The following PPP2R3C variants were observed in gnomAD, a reference collection of about 807,000 sequenced individuals.
The protein encoded by PPP2R3C is serine/threonine-protein phosphatase 2A regulatory subunit B'' subunit gamma.
PPP2R3C carries 47 observed loss-of-function variants against 63.7 expected under a neutral mutation model. The observed-to-expected ratio is 0.74, with a 90% CI of 0.58 to 0.94. The LOEUF (loss-of-function observed/expected upper bound fraction) is 0.94, where lower values mean the gene tolerates loss of function less well. Among genes scored for constraint, PPP2R3C ranks in the 40% least tolerant of loss-of-function variants. The pLI is 0.00. For missense variants in PPP2R3C, 421 were observed against 518.4 expected (o/e 0.81, Z 1.82); for synonymous variants, 180 against 177.4 (o/e 1.01, Z -0.12).
intron 11 of PPP2R3C, among the ~76,000 whole-genome samples, chr14:35,089,628 A>C (rs144659649): frequency 2.0e-4 from 31 of 152,128 alleles, no homozygotes; most frequent in African/African-American, 7.5e-4. Flanking sequence ...TGCTAGGATT[A>C]CAGGTGTGAG....
chr14:35,121,667 G>C (rs1023210612), intron 1 of PPP2R3C, among the ~76,000 whole-genome samples: 7 of 152,214 alleles, frequency 4.6e-5, no homozygotes, highest in East Asian at 1.9e-4. Flanking sequence ...TTTAGATTAA[G>C]ACCATGGAAG....
At chr14:35,092,358 C>A (rs2045848712) in intron 10 of PPP2R3C, among the ~76,000 whole-genome samples, 1 of 152,036 alleles carries the variant, frequency 6.6e-6, no homozygotes, top group Admixed American at 6.5e-5. Context: ...GGATGAACTA[C>A]TGCATCCTGC....
intron 2 of PPP2R3C, among the ~76,000 whole-genome samples, chr14:35,114,395 C>T (rs771482321): frequency 1.6e-4 from 24 of 151,960 alleles, no homozygotes; most frequent in Non-Finnish European, 3.1e-4. Flanking sequence ...AAAAAATGTT[C>T]GGTTGAAAAA....
At chr14:35,122,078 C>T, upstream of PPP2R3C, 2 of 1,048,628 alleles carry the variant, frequency 1.9e-6, no homozygotes, top group Non-Finnish European at 2.9e-6. Context: ...CAACCACCAT[C>T]TTGATCGAGG....
intron 1 of PPP2R3C, among the ~76,000 whole-genome samples, chr14:35,118,773 C>T (rs1051273087): frequency 2.0e-5 from 3 of 151,338 alleles, no homozygotes; most frequent in African/African-American, 7.3e-5. Context: ...CCTGCCTCAG[C>T]CTCCTGAGTA....
intron 11 of PPP2R3C, among the ~76,000 whole-genome samples, chr14:35,089,580 C>T (rs1264606320): frequency 2.6e-5 from 4 of 152,154 alleles, no homozygotes; most frequent in Non-Finnish European, 5.9e-5. Flanking sequence ...TCTCAAACTC[C>T]TGTGCTCAAG....
Position 35,116,630 on chromosome 14 carries a change from T to C in PPP2R3C, c.166A>G (p.Ile56Val), listed in dbSNP as rs1465901682. ...CTTACCCTATAATAAAACCGGGGAA[T>C]GGTCTTATAGAATTCATTTGTGTTT... is the stretch of plus-strand genomic sequence containing the variant. ...RKNTNEFYKT[I>V]PRFYYRLPAE... The change falls in exon 2 of 13, where the codon ATT becomes GTT. Residue 56 changes from isoleucine to valine, a missense_variant. Physicochemically the swap from Ile to Val is conservative, Grantham distance 29. Transcript: ENST00000261475. The C allele has an allele frequency of 1.3e-6, 2 of 1,593,608 alleles. No individual in the cohort carries two copies. Among genetic ancestry groups the C allele is most frequent in the Non-Finnish European group, 8.6e-7 (1 of 1,168,462 alleles).
chr14:35,099,097 G>A (rs2046102116), intron 7 of PPP2R3C, 155 bp downstream of exon 7: 4 of 1,032,810 alleles, frequency 3.9e-6, no homozygotes, highest in South Asian at 4.0e-5. Context: ...TACTGCTACT[G>A]TTTTTTCTAC....
At chr14:35,093,806 C>T (rs143448831) in intron 10 of PPP2R3C, among the ~76,000 whole-genome samples, 5 of 152,158 alleles carry the variant, frequency 3.3e-5, no homozygotes, top group African/African-American at 9.6e-5. Context: ...TGCCCGTCAC[C>T]GCACCCAGCT....
rs904340799 is a variant in PPP2R3C, at chr14:35,091,156, G to T, written c.1027C>A (p.Pro343Thr). The T allele has an allele frequency of 6.2e-7, 1 of 1,609,380 alleles. No homozygotes were observed. The highest frequency in any genetic ancestry group is 8.5e-7 in the Non-Finnish European group (1 of 1,177,038). ...TTGAAAATATATTGTAGAGCTGCAG[G>T]TTCCTTTCTGTTTTCTAATGCAAGG... ...FVLALENRKE[P>T]AALQYIFKLL... The change falls in exon 11 of 13, where the codon CCT becomes ACT. Residue 343 changes from proline (P) to threonine (T), a missense_variant. Pro to Thr is a conservative substitution (Grantham distance 38). Coordinates refer to ENST00000261475, the MANE Select transcript of PPP2R3C (RefSeq NM_017917.4).
intron 1 of PPP2R3C, among the ~76,000 whole-genome samples, chr14:35,120,495 T>A (rs1466562803): frequency 6.6e-6 from 1 of 151,904 alleles, no homozygotes; most frequent in African/African-American, 2.4e-5. Context: ...TCCGCCCGCC[T>A]CGGCCTCCCA....
chr14:35,111,307 A>G (rs1313440336), intron 2 of PPP2R3C, among the ~76,000 whole-genome samples: 1 of 152,170 alleles, frequency 6.6e-6, no homozygotes, highest in Non-Finnish European at 1.5e-5. Flanking sequence ...TGACAATTTC[A>G]AAACCACCTT....
chr14:35,089,884 T>C lies in PPP2R3C; in HGVS notation c.1113+1186A>G, dbSNP rs539946537. Among the ~76,000 whole-genome samples the C allele has an allele frequency of 6.9e-3, 1,043 of 152,000 alleles. 13 individuals are homozygous for C. The highest frequency in any genetic ancestry group is 0.023 in the African/African-American group (971 of 41,476). ...GTTTCACCATGTTAGTGAGGATGGT[T>C]TTGATCTCCTGACCTTGCGATCCGC... On this transcript the variant is annotated intron_variant, in intron 11 of 12. Coordinates refer to ENST00000261475, the MANE Select transcript of PPP2R3C (RefSeq NM_017917.4).
intron 1 of PPP2R3C, among the ~76,000 whole-genome samples, chr14:35,121,126 T>G (rs2046871478): frequency 6.6e-6 from 1 of 151,970 alleles, no homozygotes; most frequent in Non-Finnish European, 1.5e-5. Flanking sequence ...CGTCTGTAAT[T>G]CCAGCACTTT....
intron 1 of PPP2R3C, among the ~76,000 whole-genome samples, chr14:35,120,617 G>A (rs912655333): frequency 6.6e-6 from 1 of 152,104 alleles, no homozygotes; most frequent in Non-Finnish European, 1.5e-5. Flanking sequence ...AAGCGGGTAG[G>A]ACAGACTGCA....
chr14:35,102,956 C>T (rs1255780356), intron 6 of PPP2R3C, among the ~76,000 whole-genome samples: 4 of 152,014 alleles, frequency 2.6e-5, no homozygotes, highest in African/African-American at 7.2e-5. Context: ...GACGGGGTTT[C>T]GTCATGTTGG....
rs2045663679 is a variant in PPP2R3C at position 35,087,956 on chromosome 14, C to T, written c.1168G>A (p.Val390Ile). The T allele has an allele frequency of 6.3e-7, 1 of 1,591,802 alleles. No homozygotes were observed. The highest frequency in any genetic ancestry group is 2.2e-5 in the East Asian group (1 of 44,682). Residue 390 changes from valine to isoleucine, a missense_variant, in exon 12 of 13, where the codon GTC becomes ATC. Transcript: ENST00000261475. ...HGQDPVSFQD[V>I]KDEIFDMVKP... is the part of the protein sequence containing the mutation. ...AAATTAAAGGAAAAGATAACCTTGA[C>T]ATCTTGAAATGAAACAGGATCTTGT...
At chr14:35,097,776 G>A (rs1009590157) in intron 7 of PPP2R3C, among the ~76,000 whole-genome samples, 12 of 151,562 alleles carry the variant, frequency 7.9e-5, no homozygotes, top group South Asian at 2.1e-4. Flanking sequence ...GAGCCACTGC[G>A]CCTGGCTGCT....
intron 1 of PPP2R3C, among the ~76,000 whole-genome samples, chr14:35,119,082 G>C (rs1467194014): frequency 6.7e-6 from 1 of 148,834 alleles, no homozygotes; most frequent in Middle Eastern, 3.3e-3. Flanking sequence ...CTATCGCCCA[G>C]GCTGGAGAGC....
Sources: gnomAD v4.1 joint callset for allele counts (sites outside exome capture counted in the v4.1 genomes callset) on GRCh38, gnomAD v4.1.1 for gene constraint, MANE v1.5 for transcripts, NCBI Gene and HGNC (gene_info 2026-07-23, HGNC 2026-07-21) for gene names.